The following DLG2 variants were observed in gnomAD, a reference collection of about 807,000 sequenced individuals.
DLG2 encodes the protein disks large homolog 2.
Under a neutral mutation model 132.5 loss-of-function variants are expected in DLG2, and 45 were observed. The ratio of observed to expected loss-of-function variants is 0.34; its 90% CI spans 0.27 to 0.44. DLG2 has a LOEUF of 0.44. DLG2 is among the 20% of genes least tolerant of loss of function. The probability of loss-of-function intolerance (pLI) is 1.00; values close to 1 mark genes in which losing one functional copy is unlikely to be tolerated. For missense variants in DLG2, 1,045 were observed against 1,196.9 expected (o/e 0.87, Z 1.87); for synonymous variants, 424 against 419.6 (o/e 1.01, Z -0.13).
intron 6 of DLG2, among the ~76,000 whole-genome samples, chr11:85,087,735 G>C (rs180695336): frequency 6.6e-6 from 1 of 150,640 alleles, no homozygotes; most frequent in East Asian, 2.0e-4. Flanking sequence ...CTACTCGGGA[G>C]GCTGAGGCAG....
chr11:84,373,265 C>CAAAAAAAAACAAAAA (rs59038372), intron 7 of DLG2, among the ~76,000 whole-genome samples: 4 of 98,052 alleles, frequency 4.1e-5, no homozygotes, highest in African/African-American at 1.8e-4. Flanking sequence ...AAAAAAAAAA[C>CAAAAAAAAACAAAAA]AAAACAAAAA....
chr11:84,662,516 G>A (rs2099695492), intron 6 of DLG2, among the ~76,000 whole-genome samples: 1 of 151,198 alleles, frequency 6.6e-6, no homozygotes, highest in African/African-American at 2.4e-5. Context: ...AGACATGGTG[G>A]CTCATGCCTA....
intron 8 of DLG2, among the ~76,000 whole-genome samples, chr11:84,212,982 G>A (rs1462333088): frequency 2.0e-5 from 3 of 152,192 alleles, no homozygotes; most frequent in African/African-American, 7.2e-5. Context: ...ATGAGACGGG[G>A]TAGGTAGATA....
intron 6 of DLG2, among the ~76,000 whole-genome samples, chr11:85,056,105 A>G (rs988218585): frequency 1.1e-4 from 17 of 152,138 alleles, no homozygotes; most frequent in African/African-American, 4.1e-4. Flanking sequence ...TATCCAAGAA[A>G]TAATAAAAGA....
intron 6 of DLG2, among the ~76,000 whole-genome samples, chr11:84,936,523 A>G (rs1362120976): frequency 1.3e-5 from 2 of 152,158 alleles, no homozygotes; most frequent in Non-Finnish European, 2.9e-5. Flanking sequence ...AATATAATGT[A>G]TATTTGATAA....
intron 10 of DLG2, among the ~76,000 whole-genome samples, chr11:84,084,088 G>A (rs767206898): frequency 2.6e-5 from 4 of 151,886 alleles, no homozygotes; most frequent in Non-Finnish European, 5.9e-5. Context: ...GACAGTGCCA[G>A]CTTTATGAAT....
intron 6 of DLG2, among the ~76,000 whole-genome samples, chr11:84,948,940 T>C (rs1181861057): frequency 6.6e-6 from 1 of 152,232 alleles, no homozygotes; most frequent in Non-Finnish European, 1.5e-5. Context: ...CAGTACATAT[T>C]TGACAGTTAC....
intron 8 of DLG2, among the ~76,000 whole-genome samples, chr11:84,231,912 C>T (rs998331298): frequency 3.3e-5 from 5 of 152,062 alleles, no homozygotes; most frequent in African/African-American, 9.6e-5. Context: ...ACACATTTAG[C>T]AAACATACTA....
At chr11:84,718,870 G>C (rs996981845) in intron 6 of DLG2, among the ~76,000 whole-genome samples, 1 of 152,042 alleles carries the variant, frequency 6.6e-6, no homozygotes, top group Non-Finnish European at 1.5e-5. Flanking sequence ...AGATCTCTTC[G>C]GGGTTTCCAA....
chr11:84,717,532 A>T (rs1431556093), intron 6 of DLG2, among the ~76,000 whole-genome samples: 3 of 152,082 alleles, frequency 2.0e-5, no homozygotes, highest in Non-Finnish European at 4.4e-5. Context: ...CAAATGGAAT[A>T]ATAGTATAAT....
intron 15 of DLG2, among the ~76,000 whole-genome samples, chr11:83,906,104 T>C (rs12280579): frequency 0.14 from 10,981 of 81,264 alleles, 522 homozygotes; most frequent in South Asian, 0.26. Context: ...TATATATATA[T>C]ACATATATAG....
At chr11:84,175,813 G>A (rs2095947608) in intron 8 of DLG2, among the ~76,000 whole-genome samples, 1 of 152,054 alleles carries the variant, frequency 6.6e-6, no homozygotes, top group Non-Finnish European at 1.5e-5. Context: ...GGTCATACCA[G>A]TATTTCCAGA....
intron 6 of DLG2, among the ~76,000 whole-genome samples, chr11:84,943,152 T>G (rs1206827904): frequency 2.1e-5 from 3 of 144,020 alleles, no homozygotes; most frequent in South Asian, 2.2e-4. Flanking sequence ...GATTTTTGGG[T>G]CGTGTGTGTG....
In DLG2 at chr11:83,920,071, C is replaced by T. The variant is rs149951463; in HGVS notation, c.1496+10257G>A. On this transcript the variant is annotated intron_variant, in intron 15 of 27. Transcript: ENST00000376104. The stretch of plus-strand genomic sequence containing the variant: ...GCCACAGACCCTGACACAGTGCGTG[C>T]CAGAAGAAGGGGAGCCTTCGTAAAA... Among the ~76,000 whole-genome samples the T allele has an allele frequency of 2.4e-3, 368 of 152,244 alleles. 1 individual carries two copies. Among genetic ancestry groups the T allele is most frequent in the African/African-American group, 8.1e-3 (338 of 41,564 alleles).
In DLG2 at chr11:83,467,464, G is replaced by T. The variant is rs559619460; in HGVS notation, c.2620-647C>A. 2.6e-5 allele frequency among the ~76,000 whole-genome samples: 4 copies of T among 152,142 alleles called. No individual in the cohort carries two copies. The East Asian group carries it at 7.7e-4, about 29-fold the overall frequency. On this transcript the variant is annotated intron_variant, in intron 25 of 27. Transcript: ENST00000376104. ...CAAAAATGGTTAACTTAAACATATG[G>T]TTGGTTGGGTGCAGTGGCTCATGGC...
intron 18 of DLG2, among the ~76,000 whole-genome samples, chr11:83,665,988 C>T (rs1348350338): frequency 6.6e-6 from 1 of 152,140 alleles, no homozygotes; most frequent in Admixed American, 6.5e-5. Context: ...GACCCACTAT[C>T]TCCCCCATGA....
intron 3 of DLG2, among the ~76,000 whole-genome samples, chr11:85,595,243 T>C (rs1276011419): frequency 6.6e-6 from 1 of 152,146 alleles, no homozygotes; most frequent in Non-Finnish European, 1.5e-5. Flanking sequence ...CAATTCCATC[T>C]AAATGTGCAG....
intron 11 of DLG2, among the ~76,000 whole-genome samples, chr11:84,039,836 A>G (rs1286329275): frequency 3.4e-5 from 5 of 146,434 alleles, no homozygotes; most frequent in Non-Finnish European, 7.6e-5. Flanking sequence ...AGTCCCACCA[A>G]CAGTGTATAA....
intron 3 of DLG2, among the ~76,000 whole-genome samples, chr11:85,496,445 C>T (rs187189008): frequency 5.9e-5 from 9 of 152,312 alleles, no homozygotes; most frequent in African/African-American, 1.7e-4. Context: ...CCCACTGCAG[C>T]TCATCAAGAC....
Sources: gnomAD v4.1 joint callset for allele counts (sites outside exome capture counted in the v4.1 genomes callset) on GRCh38, gnomAD v4.1.1 for gene constraint, MANE v1.5 for transcripts, NCBI Gene and HGNC (gene_info 2026-07-23, HGNC 2026-07-21) for gene names.